Variants in IL1RAPL1 observed in about 807,000 individuals in gnomAD.
The protein encoded by IL1RAPL1 is interleukin 1 receptor accessory protein like 1.
In IL1RAPL1, 3 loss-of-function variants were observed where a neutral mutation model predicts 48.4. The observed-to-expected ratio is 0.06, with a 90% CI of 0.03 to 0.16. The LOEUF (loss-of-function observed/expected upper bound fraction) is 0.16. Among genes scored for constraint, IL1RAPL1 ranks in the 10% least tolerant of loss-of-function variants. The probability of loss-of-function intolerance (pLI) is 1.00; values close to 1 mark genes in which losing one functional copy is unlikely to be tolerated. For synonymous variants in IL1RAPL1, 185 were observed against 187.7 expected (o/e 0.99, Z 0.12); for missense variants, 349 against 530.6 (o/e 0.66, Z 3.36).
rs187042635 is a variant in IL1RAPL1 at position 29,151,719 on chromosome X, C to T, written c.83-131219C>T. Among the ~76,000 whole-genome samples the T allele has an allele frequency of 2.8e-3, 306 of 111,087 alleles. 1 individual carries two copies. Among genetic ancestry groups the T allele is most frequent in the Non-Finnish European group, 5.1e-3 (268 of 52,975 alleles). ...AAGAGCATCATTTATAGACTGGTTC[C>T]CATTGGTTATTGGTTTAGGCTACCC... is the stretch of plus-strand genomic sequence containing the variant. On this transcript the variant is annotated intron_variant, in intron 2 of 10. Coordinates refer to ENST00000378993, the MANE Select transcript of IL1RAPL1 (RefSeq NM_014271.4).
chrX:29,066,334 G>A (rs778445907), intron 2 of IL1RAPL1, among the ~76,000 whole-genome samples: 1 of 112,400 alleles, frequency 8.9e-6, no homozygotes, highest in African/African-American at 3.2e-5. Context: ...GATGACAGTG[G>A]TTTTAGGAAG....
rs921166251 is a variant in IL1RAPL1, at chrX:29,680,014, T to C, written c.778+11510T>C. ...GGAAATAATCCAGAAATTTTATTTT[T>C]GTCTCAAATAGATGGCTCTTTCAAG... On this transcript the variant is annotated intron_variant, in intron 6 of 10. Transcript: ENST00000378993. Among the ~76,000 whole-genome samples, 12 of 112,178 alleles carry C rather than the reference T, an allele frequency of 1.1e-4. No homozygotes were observed. In the Admixed American group the frequency reaches 1.1e-3, roughly 11 times the overall value.
At chrX:28,858,170 T>A (rs1479616349) in intron 2 of IL1RAPL1, among the ~76,000 whole-genome samples, 1 of 112,275 alleles carries the variant, frequency 8.9e-6, no homozygotes, top group Admixed American at 9.4e-5. Context: ...TTTTAACAAA[T>A]AAGGAGTCAC....
intron 6 of IL1RAPL1, among the ~76,000 whole-genome samples, chrX:29,803,026 C>CATATATACATATATGTGTACATATAT (rs1569173449): frequency 2.2e-5 from 1 of 45,175 alleles, no homozygotes; most frequent in Non-Finnish European, 3.9e-5. Flanking sequence ...TGTACATATA[C>CATATATACATATATGTGTACATATAT]ATGTATGCAT....
intron 2 of IL1RAPL1, among the ~76,000 whole-genome samples, chrX:28,956,527 T>C (rs1382647546): frequency 1.9e-5 from 2 of 107,473 alleles, no homozygotes; most frequent in African/African-American, 6.8e-5. Context: ...AATCATGTGG[T>C]TTTTGTCTTT....
chrX:29,165,246 G>T (rs776968406), intron 2 of IL1RAPL1, among the ~76,000 whole-genome samples: 1 of 111,892 alleles, frequency 8.9e-6, no homozygotes, highest in African/African-American at 3.2e-5. Flanking sequence ...TTGAACCTAG[G>T]AGGTAGAGGT....
chrX:29,862,573 G>A (rs777777567), intron 6 of IL1RAPL1, among the ~76,000 whole-genome samples: 1 of 111,580 alleles, frequency 9.0e-6, no homozygotes, highest in Non-Finnish European at 1.9e-5. Flanking sequence ...TCAGTAATGG[G>A]AAACAATATT....
intron 5 of IL1RAPL1, among the ~76,000 whole-genome samples, chrX:29,538,071 TG>T (rs1257040906): frequency 1.8e-5 from 2 of 110,959 alleles, no homozygotes; most frequent in Non-Finnish European, 3.8e-5. Flanking sequence ...TTTATCTCTC[TG>T]TATGGATTTT....
intron 2 of IL1RAPL1, among the ~76,000 whole-genome samples, chrX:28,960,902 C>T (rs1924752534): frequency 9.9e-6 from 1 of 101,455 alleles, no homozygotes; most frequent in Admixed American, 1.2e-4. Flanking sequence ...CCCAGCTACT[C>T]GGGAGTCTGA....
chrX:29,449,878 G>A (rs1225858574), intron 5 of IL1RAPL1, among the ~76,000 whole-genome samples: 1 of 104,733 alleles, frequency 9.5e-6, no homozygotes, highest in Non-Finnish European at 1.9e-5. Context: ...AAATGAGAAA[G>A]TATTTGACTA....
chrX:29,247,077 G>GA (rs758202268), intron 2 of IL1RAPL1, among the ~76,000 whole-genome samples: 1 of 112,211 alleles, frequency 8.9e-6, no homozygotes, highest in South Asian at 3.7e-4. Flanking sequence ...TATCTAAGTT[G>GA]AAGTCATATA....
At chrX:28,618,981 G>C (rs1934252442) in intron 1 of IL1RAPL1, among the ~76,000 whole-genome samples, 2 of 111,814 alleles carry the variant, frequency 1.8e-5, no homozygotes, top group African/African-American at 6.5e-5. Flanking sequence ...AGCAAGAAGG[G>C]GTGAAGTGGC....
intron 1 of IL1RAPL1, among the ~76,000 whole-genome samples, chrX:28,635,387 G>A (rs138486435): frequency 0.017 from 1,885 of 111,607 alleles, 42 homozygotes; most frequent in African/African-American, 0.058. Flanking sequence ...GTTCAACTTC[G>A]ATGTTTTTAC....
At chrX:29,081,228 G>A (rs186817867) in intron 2 of IL1RAPL1, among the ~76,000 whole-genome samples, 105 of 90,462 alleles carry the variant, frequency 1.2e-3, no homozygotes, top group Middle Eastern at 5.2e-3. Context: ...TAATTTTTGC[G>A]TATTTTTAGT....
At position 29,900,762 on chromosome X, in the gene IL1RAPL1, T is replaced by C. The variant is rs1386325236; in HGVS notation, c.779-16702T>C. ...TAGCAGGAGATAAACGTGGTTTTTG[T>C]CTTCACCACTAAGTGGATCAAATTA... is the stretch of plus-strand genomic sequence containing the variant. On this transcript the variant is annotated intron_variant, in intron 6 of 10. Coordinates refer to ENST00000378993, the MANE Select transcript of IL1RAPL1 (RefSeq NM_014271.4). 3.6e-5 allele frequency among the ~76,000 whole-genome samples: 4 copies of C among 111,597 alleles called. No homozygotes were observed. In the Admixed American group the frequency reaches 3.8e-4, roughly 11 times the overall value.
chrX:29,952,148 C>T (rs1253740474), intron 9 of IL1RAPL1, among the ~76,000 whole-genome samples: 1 of 111,608 alleles, frequency 9.0e-6, no homozygotes, highest in African/African-American at 3.3e-5. Flanking sequence ...TCTGAATGCT[C>T]CGTTCTTACT....
chrX:29,509,365 A>G (rs1485578435), intron 5 of IL1RAPL1, among the ~76,000 whole-genome samples: 1 of 111,709 alleles, frequency 9.0e-6, no homozygotes, highest in Non-Finnish European at 1.9e-5. Context: ...GTCTACAAAT[A>G]TTTTCTCAGC....
Position 28,961,009 on chromosome X carries a change from CAAAAAAAA to C in IL1RAPL1, c.82+171604_82+171611del, listed in dbSNP as rs397947609. On this transcript the variant is annotated intron_variant, in intron 2 of 10. Transcript: ENST00000378993. ...TGGGCGACAGAGCGAGACTCCGTCT[CAAAAAAAA>C]AAAAAAAAAAAAAAAAAAAGTGTGG... Among the ~76,000 whole-genome samples the C allele has an allele frequency of 3.5e-3, 61 of 17,481 alleles. No individual in the cohort carries two copies. The East Asian group carries it at 0.094, about 27-fold the overall frequency. 15.2% of individuals were successfully genotyped at this position (17,481 alleles called of 115,157 possible).
At chrX:28,659,846 C>T (rs1934797595) in intron 1 of IL1RAPL1, among the ~76,000 whole-genome samples, 1 of 109,979 alleles carries the variant, frequency 9.1e-6, no homozygotes, top group African/African-American at 3.3e-5. Context: ...GGGTCTAATC[C>T]TGGATCTAAT....
Sources: allele counts gnomAD v4.1 joint callset (sites outside exome capture counted in the v4.1 genomes callset), GRCh38; gene constraint gnomAD v4.1.1; transcripts MANE v1.5; gene names NCBI Gene and HGNC (gene_info 2026-07-23, HGNC 2026-07-21).